TIAM1: variants seen among roughly 807,000 people sequenced by gnomAD.
The protein encoded by TIAM1 is rho guanine nucleotide exchange factor TIAM1.
Under a neutral mutation model 163.5 loss-of-function variants are expected in TIAM1, and 65 were observed. The observed-to-expected ratio is 0.40, with a 90% CI of 0.33 to 0.49. TIAM1 has a LOEUF of 0.49. TIAM1 is among the 20% of genes least tolerant of loss of function. The pLI is 0.77. For missense variants in TIAM1, 1,789 were observed against 2,044.7 expected (o/e 0.87, Z 2.41); for synonymous variants, 833 against 810.1 (o/e 1.03, Z -0.48).
chr21:31,469,469 G>A (rs1313648129), intron 1 of TIAM1, among the ~76,000 whole-genome samples: 6 of 152,124 alleles, frequency 3.9e-5, no homozygotes, highest in Middle Eastern at 3.4e-3. Flanking sequence ...GTGAGTGTGC[G>A]ATATACTTTC....
intron 1 of TIAM1, among the ~76,000 whole-genome samples, chr21:31,532,532 C>T (rs1055328204): frequency 6.6e-6 from 1 of 152,130 alleles, no homozygotes; most frequent in African/African-American, 2.4e-5. Flanking sequence ...TCACAATAGG[C>T]ACTGATATAA....
intron 2 of TIAM1, among the ~76,000 whole-genome samples, chr21:31,450,424 C>A (rs1208668263): frequency 6.6e-6 from 1 of 152,130 alleles, no homozygotes. Flanking sequence ...CCCTGGGCAC[C>A]CTGCCTCCCA....
At chr21:31,416,331 T>A (rs917328877) in intron 2 of TIAM1, among the ~76,000 whole-genome samples, 19 of 152,336 alleles carry the variant, frequency 1.2e-4, no homozygotes, top group East Asian at 5.8e-4. Flanking sequence ...GAAATTTTTT[T>A]AATTTTAATA....
At chr21:31,210,661 GAAAGAA>G (rs773871999) in intron 10 of TIAM1, among the ~76,000 whole-genome samples, 536 of 19,604 alleles carry the variant, frequency 0.027, 13 homozygotes, top group South Asian at 0.043. Context: ...AAGAAAGAAA[GAAAGAA>G]AAAGAAAGAA....
intron 15 of TIAM1, among the ~76,000 whole-genome samples, chr21:31,180,433 G>C (rs543704849): frequency 9.2e-5 from 14 of 152,182 alleles, no homozygotes; most frequent in Admixed American, 3.3e-4. Context: ...AGGTGTAAAT[G>C]AATGGCATGA....
At chr21:31,181,808 G>A (rs1255774888) in intron 15 of TIAM1, among the ~76,000 whole-genome samples, 4 of 61,808 alleles carry the variant, frequency 6.5e-5, no homozygotes, top group East Asian at 4.5e-4. Flanking sequence ...TTTTTTTTAC[G>A]AGACAGGCCT....
intron 2 of TIAM1, among the ~76,000 whole-genome samples, chr21:31,386,073 G>A (rs1310461721): frequency 4.6e-5 from 7 of 152,016 alleles, no homozygotes; most frequent in Non-Finnish European, 1.0e-4. Context: ...AAGCAAGGAC[G>A]AAGGTGGTGG....
At chr21:31,281,843 T>C (rs915112706) in intron 2 of TIAM1, among the ~76,000 whole-genome samples, 1 of 151,850 alleles carries the variant, frequency 6.6e-6, no homozygotes, top group East Asian at 1.9e-4. Flanking sequence ...GGATGGTGAA[T>C]GGATAATTGA....
chr21:31,148,332 C>A (rs112535679), intron 19 of TIAM1, among the ~76,000 whole-genome samples: 1 of 152,004 alleles, frequency 6.6e-6, no homozygotes, highest in Admixed American at 6.5e-5. Flanking sequence ...CTCATGATAG[C>A]GAATAAGTCT....
At chr21:31,387,593 G>T (rs975693604) in intron 2 of TIAM1, among the ~76,000 whole-genome samples, 5 of 152,054 alleles carry the variant, frequency 3.3e-5, no homozygotes, top group Non-Finnish European at 7.4e-5. Context: ...GGGAAAAGAG[G>T]AATCAGTCCT....
chr21:31,539,513 T>C (rs376021300), intron 1 of TIAM1, among the ~76,000 whole-genome samples: 2,094 of 150,764 alleles, frequency 0.014, 52 homozygotes, highest in African/African-American at 0.05. Flanking sequence ...GATCCGCCCG[T>C]CTCAGCCGCC....
chr21:31,368,701 G>A (rs747290836), intron 2 of TIAM1, among the ~76,000 whole-genome samples: 8 of 152,202 alleles, frequency 5.3e-5, no homozygotes, highest in Non-Finnish European at 5.9e-5. Context: ...AGAAAAGGAC[G>A]GGAGAAAAAC....
At chr21:31,146,313 A>G (rs1335060510) in intron 20 of TIAM1, among the ~76,000 whole-genome samples, 1 of 149,036 alleles carries the variant, frequency 6.7e-6, no homozygotes, top group African/African-American at 2.5e-5. Context: ...AGGGGCCTGT[A>G]GTCCCAGCTA....
chr21:31,155,792 C>T (rs750475132), intron 16 of TIAM1, among the ~76,000 whole-genome samples: 44 of 152,224 alleles, frequency 2.9e-4, no homozygotes, highest in Non-Finnish European at 5.3e-4. Context: ...TGAGCCACCG[C>T]GCCCGGCCCC....
chr21:31,507,662 G>A (rs1189992490), intron 1 of TIAM1, among the ~76,000 whole-genome samples: 1 of 152,170 alleles, frequency 6.6e-6, no homozygotes, highest in East Asian at 1.9e-4. Flanking sequence ...ATGACCTAAA[G>A]TCATGGTCCC....
intron 2 of TIAM1, among the ~76,000 whole-genome samples, chr21:31,299,976 C>G (rs2074439404): frequency 6.6e-6 from 1 of 152,160 alleles, no homozygotes; most frequent in Non-Finnish European, 1.5e-5. Context: ...CCTGAGCTGA[C>G]AGAGCTTGGA....
intron 1 of TIAM1, among the ~76,000 whole-genome samples, chr21:31,526,311 A>G (rs1380006151): frequency 6.6e-6 from 1 of 152,202 alleles, no homozygotes; most frequent in Non-Finnish European, 1.5e-5. Context: ...CAAAACTAAA[A>G]GAGGTCAAAG....
intron 2 of TIAM1, among the ~76,000 whole-genome samples, chr21:31,312,244 T>C (rs2074957458): frequency 6.6e-6 from 1 of 152,214 alleles, no homozygotes; most frequent in African/African-American, 2.4e-5. Flanking sequence ...TATTCTATTA[T>C]TTCTGTCCCT....
At chr21:31,134,700 G>A (rs1271503082) in intron 23 of TIAM1, among the ~76,000 whole-genome samples, 4 of 152,102 alleles carry the variant, frequency 2.6e-5, no homozygotes, top group African/African-American at 4.8e-5. Context: ...TAGTAAGGAC[G>A]GGGTTTCACC....
Sources: allele counts gnomAD v4.1 joint callset (sites outside exome capture counted in the v4.1 genomes callset), GRCh38; gene constraint gnomAD v4.1.1; transcripts MANE v1.5; gene names NCBI Gene and HGNC (gene_info 2026-07-23, HGNC 2026-07-21).